KIAA0040: variants seen among roughly 807,000 people sequenced by gnomAD.
The protein encoded by KIAA0040 is KIAA0040.
KIAA0040 carries 10 observed loss-of-function variants against 7.2 expected under a neutral mutation model. The observed-to-expected ratio is 1.38, with a 90% CI of 0.85 to 2.34. The LOEUF is 2.34. KIAA0040 is among the 30% of genes most tolerant of loss of function. KIAA0040 has a pLI of 0.00. For synonymous variants in KIAA0040, 49 were observed against 40.1 expected, an observed-to-expected ratio of 1.22 and a Z score of -0.84; for missense variants, 89 against 108.2, an observed-to-expected ratio of 0.82 and a Z score of 0.79.
chr1:175,173,636 T>C (rs931720529), intron 2 of KIAA0040, among the ~76,000 whole-genome samples: 1 of 152,208 alleles, frequency 6.6e-6, no homozygotes, highest in African/African-American at 2.4e-5. Flanking sequence ...TCTAAGATGA[T>C]GGGGTGTTCA....
chr1:175,182,253 G>A (rs939574113), intron 1 of KIAA0040, among the ~76,000 whole-genome samples: 1 of 152,194 alleles, frequency 6.6e-6, no homozygotes, highest in African/African-American at 2.4e-5. Context: ...AAGGGAACTT[G>A]AGTGTATAGT....
At chr1:175,176,700 T>TTTTTTTTTTCC (rs1677211732) in intron 2 of KIAA0040, among the ~76,000 whole-genome samples, 1 of 129,396 alleles carries the variant, frequency 7.7e-6, no homozygotes, top group Non-Finnish European at 1.6e-5. Context: ...TTTTTTTTTT[T>TTTTTTTTTTCC]GCTTCAGCAC....
intron 3 of KIAA0040, among the ~76,000 whole-genome samples, chr1:175,162,411 A>T (rs57815153): frequency 1.1e-3 from 162 of 151,908 alleles, no homozygotes; most frequent in African/African-American, 3.8e-3. Context: ...GCCCACCCAG[A>T]CCCACCCAGA....
In KIAA0040 at chr1:175,158,385, G is replaced by C. The variant is rs927632389; in HGVS notation, c.*2329C>G. ...GTCATGGCAATGACAACTGACTGCTGTCTTAATTCAAAGGAGCAAGCAGTT... is the reference window on the plus strand; with the variant it reads ...GTCATGGCAATGACAACTGACTGCTCTCTTAATTCAAAGGAGCAAGCAGTT... On this transcript the variant is annotated 3_prime_UTR_variant, in exon 4 of 4. Coordinates refer to ENST00000423313, the MANE Select transcript of KIAA0040 (RefSeq NM_014656.3). 2.0e-5 allele frequency: 3 copies of C among 152,212 alleles called. No homozygotes were observed. Among genetic ancestry groups the C allele is most frequent in the Admixed American group, 2.0e-4 (3 of 15,282 alleles). The allele number at this position is 152,212 out of a possible 1,614,324, so 9.4% of individuals were successfully genotyped here. A position where few individuals can be genotyped will look rare whatever the true frequency, so the allele number is the denominator to read the frequency against.
At position 175,160,825 on chromosome 1, in the gene KIAA0040, C is replaced by T. The variant is rs556779959; in HGVS notation, c.189G>A (p.Glu63=). ...SPPGKRGQQP[E]KNKKKKKKKK... is the part of the protein sequence containing the mutation. ...TCTTCTTCTTCTTCTTCTTGTTCTTCTCTGGCTGCTGGCCCCTCTTGCCTG... is the reference window on the plus strand; with the variant it reads ...TCTTCTTCTTCTTCTTCTTGTTCTTTTCTGGCTGCTGGCCCCTCTTGCCTG... Residue 63 remains glutamate, a synonymous_variant, in exon 4 of 4, where the codon GAG becomes GAA. Coordinates refer to ENST00000423313, the MANE Select transcript of KIAA0040 (RefSeq NM_014656.3). 26 of 1,549,532 alleles carry T rather than the reference C, an allele frequency of 1.7e-5. No individual in the cohort carries two copies. The highest frequency in any genetic ancestry group is 2.3e-5 in the Non-Finnish European group (26 of 1,145,948).
At chr1:175,189,715 C>T (rs1677798688) in intron 1 of KIAA0040, among the ~76,000 whole-genome samples, 1 of 152,236 alleles carries the variant, frequency 6.6e-6, no homozygotes, top group Non-Finnish European at 1.5e-5. Flanking sequence ...AATAAAACCC[C>T]TTACATTTTT....
intron 1 of KIAA0040, among the ~76,000 whole-genome samples, chr1:175,185,982 A>G (rs1677643791): frequency 1.3e-5 from 2 of 152,246 alleles, no homozygotes; most frequent in Admixed American, 6.5e-5. Context: ...ATCTAGAATA[A>G]GCAACTCCAT....
intron 1 of KIAA0040, among the ~76,000 whole-genome samples, chr1:175,178,177 TC>T (rs1677281248): frequency 2.0e-5 from 3 of 152,170 alleles, no homozygotes; most frequent in Admixed American, 1.3e-4. Context: ...GTAACTTGAA[TC>T]CTCCATGTGT....
intron 1 of KIAA0040, among the ~76,000 whole-genome samples, chr1:175,180,845 T>C (rs978841121): frequency 6.6e-6 from 1 of 152,156 alleles, no homozygotes; most frequent in Admixed American, 6.5e-5. Flanking sequence ...CTTCTTGGTG[T>C]TCTTGATTTT....
Position 175,184,001 on chromosome 1 carries a change from C to A in KIAA0040, c.-383-6317G>T, listed in dbSNP as rs537934433. 3.9e-5 allele frequency among the ~76,000 whole-genome samples: 6 copies of A among 152,310 alleles called. No homozygotes were observed. In the South Asian group the frequency reaches 1.2e-3, roughly 32 times the overall value. On this transcript the variant is annotated intron_variant, in intron 1 of 3. Transcript: ENST00000423313. ...CAGAGTCATGTCCGGGCAGCTTCTG[C>A]CATGTAAAGCAAAGCCGCCAGGCCT...
At chr1:175,186,027 C>T (rs1192865985) in intron 1 of KIAA0040, among the ~76,000 whole-genome samples, 2 of 152,066 alleles carry the variant, frequency 1.3e-5, no homozygotes, top group Non-Finnish European at 2.9e-5. Context: ...TGCTGGGGAC[C>T]GGGAAGAGGG....
intron 1 of KIAA0040, among the ~76,000 whole-genome samples, chr1:175,191,286 G>A (rs1443685066): frequency 6.6e-6 from 1 of 152,230 alleles, no homozygotes; most frequent in Non-Finnish European, 1.5e-5. Flanking sequence ...AGTTTGTTGA[G>A]TGTTTATTAT....
chr1:175,182,599 G>A (rs923155636), intron 1 of KIAA0040, among the ~76,000 whole-genome samples: 2 of 152,330 alleles, frequency 1.3e-5, no homozygotes, highest in Middle Eastern at 3.4e-3. Flanking sequence ...TGTTTGATCT[G>A]CAGCTTTCAG....
chr1:175,183,583 A>G (rs914700140), intron 1 of KIAA0040, among the ~76,000 whole-genome samples: 1 of 152,156 alleles, frequency 6.6e-6, no homozygotes, highest in African/African-American at 2.4e-5. Flanking sequence ...AGCTTTCACA[A>G]TTGGGGTTGC....
Position 175,160,668 on chromosome 1 carries a change from A to G in KIAA0040, c.*46T>C. ...TCCTGAAATGTCTGTGTGTGGTCAG[A>G]AGGAGGCTTAGCCCCAGAAAGGAAA... is the stretch of plus-strand genomic sequence containing the variant. On this transcript the variant is annotated 3_prime_UTR_variant, in exon 4 of 4. Coordinates refer to ENST00000423313, the MANE Select transcript of KIAA0040 (RefSeq NM_014656.3). The G allele has an allele frequency of 6.7e-7, 1 of 1,490,024 alleles. No individual in the cohort carries two copies. Among genetic ancestry groups the G allele is most frequent in the Admixed American group, 2.3e-5 (1 of 43,524 alleles). 92.3% of individuals were successfully genotyped at this position (1,490,024 alleles called of 1,614,324 possible).
Position 175,161,500 on chromosome 1 carries a change from T to C in KIAA0040, c.-133-354A>G, listed in dbSNP as rs143816966. Among the ~76,000 whole-genome samples, 67 of 152,334 alleles carry C rather than the reference T, an allele frequency of 4.4e-4. 1 individual carries two copies. In the East Asian group the frequency reaches 0.011, roughly 26 times the overall value. On this transcript the variant is annotated intron_variant, in intron 3 of 3. Coordinates refer to ENST00000423313, the MANE Select transcript of KIAA0040 (RefSeq NM_014656.3). ...ACCCTTCTGCAACAGCAGTTCTCAA[T>C]CTTTTTTCCACTGTAGCTCACCTGA...
chr1:175,178,319 C>T (rs571090616), intron 1 of KIAA0040, among the ~76,000 whole-genome samples: 1 of 152,226 alleles, frequency 6.6e-6, no homozygotes, highest in Non-Finnish European at 1.5e-5. Context: ...AGGAATGGTA[C>T]CTACATTTGT....
intron 3 of KIAA0040, among the ~76,000 whole-genome samples, chr1:175,162,869 G>A (rs1676601376): frequency 6.6e-6 from 1 of 152,122 alleles, no homozygotes; most frequent in Non-Finnish European, 1.5e-5. Context: ...GAGCCTTTTG[G>A]TCCATGGAGC....
Position 175,160,940 on chromosome 1 carries a change from T to G in KIAA0040, c.74A>C (p.Asn25Thr), listed in dbSNP as rs1203682445. The G allele has an allele frequency of 4.5e-6, 7 of 1,551,478 alleles. No individual in the cohort carries two copies. In the East Asian group the frequency reaches 9.8e-5, roughly 22 times the overall value. Residue 25 changes from asparagine (N) to threonine (T), a missense_variant, in exon 4 of 4, where the codon AAC (asparagine) becomes ACC (threonine). Physicochemically the swap from Asn to Thr is moderately conservative, Grantham distance 65. Coordinates refer to ENST00000423313, the MANE Select transcript of KIAA0040 (RefSeq NM_014656.3). The stretch of plus-strand genomic sequence containing the variant: ...CAGGAGGACTCCCAGGCAGATGGTG[T>G]TGTAGATGCCTTCTTGGTGTTTGGT... The part of the protein sequence containing the change: ...ILTKHQEGIY[N>T]TICLGVLLGL...
Sources: gnomAD v4.1 joint callset for allele counts (sites outside exome capture counted in the v4.1 genomes callset) on GRCh38, gnomAD v4.1.1 for gene constraint, MANE v1.5 for transcripts, NCBI Gene and HGNC (gene_info 2026-07-23, HGNC 2026-07-21) for gene names.